The following USP42 variants were observed in gnomAD, a reference collection of about 807,000 sequenced individuals.
USP42 encodes ubiquitin specific peptidase 42.
Under a neutral mutation model 113.0 loss-of-function variants are expected in USP42, and 23 were observed. The observed-to-expected ratio is 0.20, with a 90% confidence interval of 0.15 to 0.29. The LOEUF (loss-of-function observed/expected upper bound fraction) is 0.29. Ranked by LOEUF, USP42 falls within the 10% of genes least tolerant of loss-of-function variation. The pLI is 1.00. For synonymous variants in USP42, 933 were observed against 699.0 expected, an observed-to-expected ratio of 1.33 and a Z score of -5.28; for missense variants, 2,174 against 1,779.8, an observed-to-expected ratio of 1.22 and a Z score of -3.99.
chr7:6,150,590 G>A (rs1454320671), intron 14 of USP42, 84 bp downstream of exon 14: 3 of 1,156,382 alleles, frequency 2.6e-6, no homozygotes, highest in African/African-American at 1.5e-5. Flanking sequence ...TTTGAATGCT[G>A]TAGAAATTTT....
chr7:6,147,826 G>A lies in USP42; in HGVS notation c.1320G>A (p.Arg440=), dbSNP rs756583514. 2 of 1,613,618 alleles carry A rather than the reference G, an allele frequency of 1.2e-6. No homozygotes were observed. Among genetic ancestry groups the A allele is most frequent in the East Asian group, 4.5e-5 (2 of 44,868 alleles). Residue 440 remains arginine, a synonymous_variant, in exon 12 of 18, where the codon CGG becomes CGA. Transcript: ENST00000306177. The part of the protein sequence containing the change: ...QSSPRPVISQ[R]VVTNKQAAPG... ...CTCCCCGCCCCGTCATCAGTCAGCG[G>A]GTTGTCACCAACAAACAGGCTGCGC...
In USP42 at chr7:6,154,934, C is replaced by T. The variant is rs1217174647; in HGVS notation, c.3380C>T (p.Pro1127Leu). The change falls in exon 15 of 18, where the codon CCG (proline) becomes CTG (leucine). Residue 1127 changes from proline to leucine, a missense_variant. Pro to Leu is a moderately conservative substitution (Grantham distance 98, BLOSUM62 -3). Transcript: ENST00000306177. ...PRAGAPHALA[P>L]HPDRFSHDRT... The stretch of plus-strand genomic sequence containing the variant: ...GCAGGCGCGCCCCACGCCCTCGCCC[C>T]GCACCCCGACCGCTTCTCCCACGAC... The T allele has an allele frequency of 4.5e-6, 7 of 1,551,596 alleles. No individual in the cohort carries two copies. The highest frequency in any genetic ancestry group is 4.1e-5 in the African/African-American group (3 of 73,068).
In USP42 at chr7:6,159,539, G is replaced by A; in HGVS notation, c.*36+46G>A. 6.4e-7 allele frequency: 1 copy of A among 1,571,754 alleles called. No homozygotes were observed. Among genetic ancestry groups the A allele is most frequent in the Non-Finnish European group, 8.8e-7 (1 of 1,142,472 alleles). ...TTTCCTCATTGTTTGTGGTGGCGCT[G>A]AGGGGACGCAGGCAGAGGAGTTTTA... On this transcript the variant is annotated intron_variant, in intron 17 of 17. Transcript: ENST00000306177. This position sits in a 1 kb window ranked among gnomAD's most constrained non-coding sequence, Gnocchi z 4.1.
In USP42 at chr7:6,154,005, C is replaced by G. The variant is rs1406992927; in HGVS notation, c.2451C>G (p.Asp817Glu). The change falls in exon 15 of 18, where the codon GAC becomes GAG. Residue 817 changes from aspartate to glutamate, a missense_variant. Physicochemically the swap from Asp to Glu is conservative, Grantham distance 45 (BLOSUM62 2). Transcript: ENST00000306177. ...TCGTGGGGGACACAGCACCCCCTGA[C>G]CTGTGTGATCCCGGGAGCTTAACAG... ...EDIVGDTAPPDLCDPGSLTGD... is the reference protein window; with the variant it reads ...EDIVGDTAPPELCDPGSLTGD... 3.7e-6 allele frequency: 6 copies of G among 1,603,442 alleles called. No individual in the cohort carries two copies. Among genetic ancestry groups the G allele is most frequent in the Admixed American group, 3.3e-5 (2 of 59,954 alleles).
intron 3 of USP42, among the ~76,000 whole-genome samples, chr7:6,116,254 C>G (rs546622485): frequency 6.6e-6 from 1 of 152,078 alleles, no homozygotes; most frequent in African/African-American, 2.4e-5. Flanking sequence ...TGTCACTGCC[C>G]GCAACCTCCT....
intron 3 of USP42, among the ~76,000 whole-genome samples, chr7:6,128,737 G>A (rs1466950405): frequency 6.6e-6 from 1 of 151,734 alleles, no homozygotes; most frequent in East Asian, 1.9e-4. Flanking sequence ...ATATGTCTGT[G>A]TTTTCTTGCT....
At chr7:6,118,600 G>C (rs1386176761) in intron 3 of USP42, among the ~76,000 whole-genome samples, 1 of 151,600 alleles carries the variant, frequency 6.6e-6, no homozygotes, top group Non-Finnish European at 1.5e-5. Context: ...CTTTCTTCTA[G>C]AAGTCTTAAA....
chr7:6,099,748 A>T, the USP42 span, among the ~76,000 whole-genome samples: 1 of 150,632 alleles, frequency 6.6e-6, no homozygotes, highest in South Asian at 2.1e-4. Context: ...AGATCATTTG[A>T]GGTCAGGATT....
intron 3 of USP42, among the ~76,000 whole-genome samples, chr7:6,123,464 C>T (rs1043928713): frequency 2.6e-5 from 4 of 152,090 alleles, no homozygotes; most frequent in African/African-American, 9.7e-5. Flanking sequence ...GAGATCGAGA[C>T]CATCCTGGCT....
intron 1 of USP42, among the ~76,000 whole-genome samples, chr7:6,106,135 G>A (rs759751853): frequency 1.3e-5 from 2 of 152,210 alleles, no homozygotes; most frequent in African/African-American, 2.4e-5. Context: ...ATTAGGGTCA[G>A]TTTCACTTTC....
In USP42 at chr7:6,154,860, C is replaced by T. The variant is rs1229407642; in HGVS notation, c.3306C>T (p.Gly1102=). ...PHKDHNRGRR[G]CEPARERERH... is the part of the protein sequence containing the mutation. ...AGGACCACAACCGGGGCCGTAGGGG[C>T]TGCGAGCCGGCCCGGGAGAGGGAGC... The change falls in exon 15 of 18, where the codon GGC becomes GGT. Residue 1102 remains glycine, a synonymous_variant. Transcript: ENST00000306177. 23 of 1,528,006 alleles carry T rather than the reference C, an allele frequency of 1.5e-5. No homozygotes were observed. Among genetic ancestry groups the T allele is most frequent in the African/African-American group, 2.8e-5 (2 of 71,778 alleles). 94.7% of individuals were successfully genotyped at this position (1,528,006 alleles called of 1,614,324 possible). A position where few individuals can be genotyped will look rare whatever the true frequency, so the allele number is the denominator to read the frequency against.
chr7:6,142,817 G>A (rs1468077525), intron 7 of USP42, 115 bp from the exon 8 acceptor site: 5 of 900,586 alleles, frequency 5.6e-6, no homozygotes, highest in Non-Finnish European at 7.0e-6. Context: ...CCAGGAGGTC[G>A]AGGCTGCAGT....
chr7:6,114,672 ATATATATTTTTT>A (rs1779799796), intron 2 of USP42, among the ~76,000 whole-genome samples: 5 of 33,734 alleles, frequency 1.5e-4, no homozygotes, highest in Non-Finnish European at 2.0e-4. Context: ...ATATATATAT[ATATATATTTTTT>A]TTTTTTTTTT....
the USP42 span, among the ~76,000 whole-genome samples, chr7:6,082,492 C>G: frequency 6.7e-6 from 1 of 149,458 alleles, no homozygotes; most frequent in Non-Finnish European, 1.5e-5. Flanking sequence ...GTGGCTCACA[C>G]TTGTAATCTC....
chr7:6,090,807 G>GTT, the USP42 span, among the ~76,000 whole-genome samples: 1 of 144,712 alleles, frequency 6.9e-6, no homozygotes, highest in Non-Finnish European at 1.5e-5. Flanking sequence ...ATAACATATA[G>GTT]TTATATATAT....
chr7:6,113,341 C>T (rs1443657647), intron 2 of USP42, among the ~76,000 whole-genome samples: 1 of 152,118 alleles, frequency 6.6e-6, no homozygotes, highest in Non-Finnish European at 1.5e-5. Flanking sequence ...TTCTCTCCAG[C>T]AGGACTTTCC....
At chr7:6,141,074 G>T (rs952052107) in intron 7 of USP42, 90 bp downstream of exon 7, 2 of 611,692 alleles carry the variant, frequency 3.3e-6, no homozygotes, top group Non-Finnish European at 5.5e-6. Flanking sequence ...CTACTTGTTA[G>T]AGAATATAAA....
intron 7 of USP42, among the ~76,000 whole-genome samples, chr7:6,142,642 G>A (rs1781498087): frequency 6.6e-6 from 1 of 152,176 alleles, no homozygotes; most frequent in Non-Finnish European, 1.5e-5. Flanking sequence ...TAACAGTTTG[G>A]GAGGTCGAGG....
chr7:6,153,872 A>C lies in USP42; in HGVS notation c.2318A>C (p.Lys773Thr). Residue 773 changes from lysine (K) to threonine (T), a missense_variant, in exon 15 of 18, where the codon AAG (lysine) becomes ACG (threonine). By Grantham distance (78) the Lys-to-Thr change is moderately conservative. Transcript: ENST00000306177. Reference protein sequence around the residue: ...PDAAAGLSSTKKAPPPRDPGT... With the variant: ...PDAAAGLSSTTKAPPPRDPGT... ...GCGGCCGCCGGCCTCAGCAGCACCAAGAAGGCTCCGCCGCCCCGCGATCCC... is the reference window on the plus strand; with the variant it reads ...GCGGCCGCCGGCCTCAGCAGCACCACGAAGGCTCCGCCGCCCCGCGATCCC... 1 of 1,560,844 alleles carries C rather than the reference A, an allele frequency of 6.4e-7. No homozygotes were observed. The highest frequency in any genetic ancestry group is 8.7e-7 in the Non-Finnish European group (1 of 1,154,284).
Sources: allele counts gnomAD v4.1 joint callset (sites outside exome capture counted in the v4.1 genomes callset), GRCh38; gene constraint gnomAD v4.1.1; non-coding constraint Gnocchi (gnomAD v3.1); transcripts MANE v1.5; gene names NCBI Gene and HGNC (gene_info 2026-07-23, HGNC 2026-07-21).